Variants in CHMP4B observed in about 807,000 individuals in gnomAD.
CHMP4B encodes charged multivesicular body protein 4B.
CHMP4B carries 1 observed loss-of-function variant against 25.1 expected under a neutral mutation model. That is an observed-to-expected ratio of 0.04 (90% CI 0.01 to 0.19). The LOEUF is 0.19. Among genes scored for constraint, CHMP4B ranks in the 10% least tolerant of loss-of-function variants. The probability of loss-of-function intolerance (pLI) is 1.00; values close to 1 mark genes in which losing one functional copy is unlikely to be tolerated. For missense variants in CHMP4B, 151 were observed against 289.7 expected, an observed-to-expected ratio of 0.52 and a Z score of 3.48; for synonymous variants, 101 against 115.6, an observed-to-expected ratio of 0.87 and a Z score of 0.81.
intron 1 of CHMP4B, among the ~76,000 whole-genome samples, chr20:33,844,055 C>G (rs1257029242): frequency 6.6e-6 from 1 of 152,208 alleles, no homozygotes; most frequent in Non-Finnish European, 1.5e-5. Context: ...ACCCTGCAGG[C>G]AGGAAGGGGA....
At chr20:33,829,002 T>C (rs1731996914) in intron 1 of CHMP4B, among the ~76,000 whole-genome samples, 1 of 152,222 alleles carries the variant, frequency 6.6e-6, no homozygotes, top group Admixed American at 6.5e-5. Flanking sequence ...CTTCTGTTAC[T>C]CATTCAACAT....
intron 1 of CHMP4B, among the ~76,000 whole-genome samples, chr20:33,834,618 A>T (rs1242385678): frequency 6.6e-6 from 1 of 152,148 alleles, no homozygotes; most frequent in African/African-American, 2.4e-5. Flanking sequence ...CCCTTAAGGT[A>T]CCACATTGGT....
At chr20:33,843,891 G>C (rs1979609518) in intron 1 of CHMP4B, among the ~76,000 whole-genome samples, 1 of 152,230 alleles carries the variant, frequency 6.6e-6, no homozygotes, top group Non-Finnish European at 1.5e-5. Flanking sequence ...TACTCATGAA[G>C]CATGTTTAGG....
At position 33,846,677 on chromosome 20, in the gene CHMP4B, A is replaced by G. The variant is rs117278329; in HGVS notation, c.191-1790A>G. On this transcript the variant is annotated intron_variant, in intron 1 of 4. Coordinates refer to ENST00000217402, the MANE Select transcript of CHMP4B (RefSeq NM_176812.5). ...GCCAACGGGTGTGAGTAGAAGGAGC[A>G]TGGGACCTATTCATGTGACATATGG... Among the ~76,000 whole-genome samples the G allele has an allele frequency of 5.3e-3, 808 of 152,328 alleles. 4 individuals carry two copies. The highest frequency in any genetic ancestry group is 0.01 in the Middle Eastern group (3 of 294).
chr20:33,852,924 C>G (rs1009406791), intron 4 of CHMP4B, among the ~76,000 whole-genome samples: 1 of 152,186 alleles, frequency 6.6e-6, no homozygotes, highest in African/African-American at 2.4e-5. Flanking sequence ...AGAAGTAATC[C>G]ACACAGAACT....
intron 1 of CHMP4B, among the ~76,000 whole-genome samples, chr20:33,840,123 G>A (rs1979494035): frequency 6.6e-6 from 1 of 152,164 alleles, no homozygotes; most frequent in Non-Finnish European, 1.5e-5. Context: ...GCAGGCGCCT[G>A]TAATCCCAGC....
At chr20:33,811,953 C>T (rs1319549083) in intron 1 of CHMP4B, among the ~76,000 whole-genome samples, 1 of 152,214 alleles carries the variant, frequency 6.6e-6, no homozygotes, top group African/African-American at 2.4e-5. Flanking sequence ...CTGTCCCTTT[C>T]TCTTCCGCCT....
At chr20:33,840,268 A>G (rs1288032532) in intron 1 of CHMP4B, among the ~76,000 whole-genome samples, 11 of 151,544 alleles carry the variant, frequency 7.3e-5, no homozygotes, top group Non-Finnish European at 1.3e-4. Flanking sequence ...GGGGGGGGAC[A>G]GGACAGGGAC....
intron 1 of CHMP4B, among the ~76,000 whole-genome samples, chr20:33,838,106 C>G (rs1979437822): frequency 6.6e-6 from 1 of 152,228 alleles, no homozygotes; most frequent in Non-Finnish European, 1.5e-5. Flanking sequence ...TGTCTAGATA[C>G]AAGTCTCCTG....
At chr20:33,824,686 G>C (rs563024219) in intron 1 of CHMP4B, among the ~76,000 whole-genome samples, 3 of 152,220 alleles carry the variant, frequency 2.0e-5, no homozygotes, top group Admixed American at 1.3e-4. Context: ...CTGACATTTT[G>C]GACTGGATAA....
chr20:33,811,691 GGGCTCCCCCCA>G (rs1978619711), intron 1 of CHMP4B, 33 bp downstream of exon 1: 4 of 1,604,546 alleles, frequency 2.5e-6, no homozygotes, highest in Non-Finnish European at 3.4e-6. Flanking sequence ...GACTTGCCAC[GGGCTCCCCCCA>G]GGCTCCCCGG....
chr20:33,836,103 A>G (rs866939762), intron 1 of CHMP4B, among the ~76,000 whole-genome samples: 5 of 152,198 alleles, frequency 3.3e-5, no homozygotes, highest in African/African-American at 1.2e-4. Flanking sequence ...TTTTAAGCAT[A>G]TAGACTATAG....
Position 33,854,229 on chromosome 20 carries a change from A to G in CHMP4B, c.*669A>G, listed in dbSNP as rs1979943636. 6.5e-6 allele frequency: 1 copy of G among 154,420 alleles called. No homozygotes were observed. The highest frequency in any genetic ancestry group is 2.4e-5 in the African/African-American group (1 of 41,458). 9.6% of individuals were successfully genotyped at this position (154,420 alleles called of 1,614,324 possible). On this transcript the variant is annotated 3_prime_UTR_variant, in exon 5 of 5. Transcript: ENST00000217402. ...TGTTAGAATTAAGTTCCAACTATAC[A>G]GTTTTCTAACATAGCTATAAGGTCC...
At chr20:33,839,314 C>G (rs1264524744) in intron 1 of CHMP4B, among the ~76,000 whole-genome samples, 1 of 152,122 alleles carries the variant, frequency 6.6e-6, no homozygotes, top group Non-Finnish European at 1.5e-5. Context: ...TCCCTTCTCC[C>G]TGTCTCAGTG....
chr20:33,837,706 T>C (rs1361280033), intron 1 of CHMP4B, among the ~76,000 whole-genome samples: 1 of 152,212 alleles, frequency 6.6e-6, no homozygotes, highest in African/African-American at 2.4e-5. Context: ...TAAAGGGAGT[T>C]TCTGATCTTT....
chr20:33,815,084 C>T (rs1005598728), intron 1 of CHMP4B, among the ~76,000 whole-genome samples: 2 of 152,176 alleles, frequency 1.3e-5, no homozygotes, highest in Non-Finnish European at 2.9e-5. Context: ...AAGGATAGTG[C>T]CTTTCAGACC....
chr20:33,840,603 A>G (rs1232651302), intron 1 of CHMP4B, among the ~76,000 whole-genome samples: 1 of 152,018 alleles, frequency 6.6e-6, no homozygotes, highest in Non-Finnish European at 1.5e-5. Context: ...TGAAGCTGGC[A>G]TTGGCCAAAT....
In CHMP4B at chr20:33,840,415, CTT is replaced by C. The variant is rs1374277225; in HGVS notation, c.191-8051_191-8050del. On this transcript the variant is annotated intron_variant, in intron 1 of 4. Coordinates refer to ENST00000217402, the MANE Select transcript of CHMP4B (RefSeq NM_176812.5). Reference sequence around the variant, plus strand: ...ATAGTGATTATCTTTCTCGTCTGTCCTTAGGGTAGTGGTTTCACCCCCATCTT... The same window carrying C: ...ATAGTGATTATCTTTCTCGTCTGTCCAGGGTAGTGGTTTCACCCCCATCTT... Among the ~76,000 whole-genome samples, 1,160 of 152,264 alleles carry C rather than the reference CTT, an allele frequency of 7.6e-3. 12 individuals are homozygous for C. The highest frequency in any genetic ancestry group is 0.027 in the African/African-American group (1,106 of 41,538).
At chr20:33,839,167 C>T (rs1457765497) in intron 1 of CHMP4B, among the ~76,000 whole-genome samples, 1 of 152,040 alleles carries the variant, frequency 6.6e-6, no homozygotes, top group East Asian at 1.9e-4. Context: ...AGCTTTGGTC[C>T]CTGGGTCCTC....
Sources: allele counts gnomAD v4.1 joint callset (sites outside exome capture counted in the v4.1 genomes callset), GRCh38; gene constraint gnomAD v4.1.1; transcripts MANE v1.5; gene names NCBI Gene and HGNC (gene_info 2026-07-23, HGNC 2026-07-21).